The following TMEM169 variants were observed in gnomAD, a reference collection of about 807,000 sequenced individuals.
TMEM169 encodes transmembrane protein 169.
TMEM169 carries 18 observed loss-of-function variants against 27.3 expected under a neutral mutation model. That is an observed-to-expected ratio of 0.66 (90% CI 0.46 to 0.98). The LOEUF is 0.98. TMEM169 is among the 50% of genes least tolerant of loss of function. The pLI is 0.00. For synonymous variants in TMEM169, 136 were observed against 142.1 expected, an observed-to-expected ratio of 0.96 and a Z score of 0.30; for missense variants, 320 against 368.6, an observed-to-expected ratio of 0.87 and a Z score of 1.08.
At chr2:216,084,972 G>C (rs1054452073) in intron 1 of TMEM169, among the ~76,000 whole-genome samples, 2 of 152,138 alleles carry the variant, frequency 1.3e-5, no homozygotes, top group African/African-American at 4.8e-5. Flanking sequence ...GCAGAAAACA[G>C]CCTGATTTTC....
Position 216,100,128 on chromosome 2 carries a change from G to A in TMEM169, c.480G>A (p.Val160=). ...TGGGAGCTGACCGTGGGCCCCATGTGGTCCTCTGGACGCTGATCTGCCTGC... is the reference window on the plus strand; with the variant it reads ...TGGGAGCTGACCGTGGGCCCCATGTAGTCCTCTGGACGCTGATCTGCCTGC... ...CQMGADRGPH[V]VLWTLICLPV... is the part of the protein sequence containing the mutation. Residue 160 remains valine (V), a synonymous_variant, in exon 3 of 3, where the codon GTG becomes GTA. Transcript: ENST00000437356. 6.2e-7 allele frequency: 1 copy of A among 1,614,110 alleles called. No individual in the cohort carries two copies. Among genetic ancestry groups the A allele is most frequent in the South Asian group, 1.1e-5 (1 of 91,076 alleles).
chr2:216,090,363 G>T (rs1026238546), intron 1 of TMEM169, among the ~76,000 whole-genome samples: 3 of 152,178 alleles, frequency 2.0e-5, no homozygotes, highest in African/African-American at 7.2e-5. Flanking sequence ...GCTGGGGAAG[G>T]CCAGCCACTG....
At chr2:216,090,742 T>C (rs1696102935) in intron 1 of TMEM169, among the ~76,000 whole-genome samples, 1 of 152,188 alleles carries the variant, frequency 6.6e-6, no homozygotes, top group African/African-American at 2.4e-5. Flanking sequence ...CGCACATAAT[T>C]GTGTGAGATA....
In TMEM169 at chr2:216,089,344, A is replaced by G. The variant is rs2105981170; in HGVS notation, c.-126-6494A>G. On this transcript the variant is annotated intron_variant, in intron 1 of 2. Coordinates refer to ENST00000437356, the MANE Select transcript of TMEM169 (RefSeq NM_001142311.2). ...GAGTGGATCTGTCATCAAATGAAGG[A>G]GAAATAGGGTTTTGGACAGCAAACA... Among the ~76,000 whole-genome samples, 2 of 152,312 alleles carry G rather than the reference A, an allele frequency of 1.3e-5. 1 individual carries two copies. Among genetic ancestry groups the G allele is most frequent in the Middle Eastern group, 6.8e-3 (2 of 294 alleles).
chr2:216,084,671 G>C (rs981294089), intron 1 of TMEM169, among the ~76,000 whole-genome samples: 95 of 152,136 alleles, frequency 6.2e-4, no homozygotes, highest in Non-Finnish European at 1.3e-4. Context: ...TTTTTAGTTC[G>C]GGTGTCAAGA....
chr2:216,093,510 A>G (rs148246054), intron 1 of TMEM169, among the ~76,000 whole-genome samples: 81 of 152,306 alleles, frequency 5.3e-4, no homozygotes, highest in Non-Finnish European at 9.7e-4. Flanking sequence ...AAAGTCAGGC[A>G]GTGAGGACGT....
intron 1 of TMEM169, among the ~76,000 whole-genome samples, chr2:216,083,462 C>A (rs1487539991): frequency 2.0e-5 from 3 of 152,076 alleles, no homozygotes; most frequent in Admixed American, 6.6e-5. Flanking sequence ...ACTTTAAATT[C>A]TTTTAAATGA....
chr2:216,096,064 A>T lies in TMEM169; in HGVS notation c.101A>T (p.Glu34Val), dbSNP rs908220828. 1.2e-6 allele frequency: 2 copies of T among 1,614,212 alleles called. No homozygotes were observed. The highest frequency in any genetic ancestry group is 1.3e-5 in the African/African-American group (1 of 75,058). The change falls in exon 2 of 3, where the codon GAA becomes GTA. Residue 34 changes from glutamate (E) to valine (V), a missense_variant. Transcript: ENST00000437356. ...AVAAALALDG[E>V]STMGHRKKKR... Reference sequence around the variant, plus strand: ...GCTGCTGCCCTGGCGCTGGATGGGGAATCCACAATGGGGCACAGGAAAAAG... The same window carrying T: ...GCTGCTGCCCTGGCGCTGGATGGGGTATCCACAATGGGGCACAGGAAAAAG...
chr2:216,093,447 A>G (rs1445114821), intron 1 of TMEM169, among the ~76,000 whole-genome samples: 2 of 152,112 alleles, frequency 1.3e-5, no homozygotes, highest in Non-Finnish European at 2.9e-5. Context: ...AGCTCCATGG[A>G]TAAGAATTTA....
In TMEM169 at chr2:216,100,761, A is replaced by G; in HGVS notation, c.*219A>G. The G allele has an allele frequency of 3.3e-6, 2 of 611,646 alleles. No individual in the cohort carries two copies. Among genetic ancestry groups the G allele is most frequent in the Non-Finnish European group, 5.7e-6 (2 of 353,078 alleles). 37.9% of individuals were successfully genotyped at this position (611,646 alleles called of 1,614,324 possible). A position where few individuals can be genotyped will look rare whatever the true frequency, so the allele number is the denominator to read the frequency against. ...TCACCCAATGGACAAACTCTTTTTGATTCCCTGCCCTAAAATCACCATTTA... is the reference window on the plus strand; with the variant it reads ...TCACCCAATGGACAAACTCTTTTTGGTTCCCTGCCCTAAAATCACCATTTA... On this transcript the variant is annotated 3_prime_UTR_variant, in exon 3 of 3. Coordinates refer to ENST00000437356, the MANE Select transcript of TMEM169 (RefSeq NM_001142311.2).
intron 1 of TMEM169, among the ~76,000 whole-genome samples, chr2:216,090,677 G>A (rs1008094532): frequency 1.3e-5 from 2 of 152,192 alleles, no homozygotes; most frequent in Non-Finnish European, 2.9e-5. Flanking sequence ...CTATAGGCAG[G>A]AAGCAGGTAG....
intron 1 of TMEM169, among the ~76,000 whole-genome samples, chr2:216,092,957 T>C (rs1408538576): frequency 6.6e-6 from 1 of 152,180 alleles, no homozygotes; most frequent in African/African-American, 2.4e-5. Flanking sequence ...AGTGTCAGTG[T>C]ATAAGAGGAC....
In TMEM169 at chr2:216,100,420, A is replaced by C; in HGVS notation, c.772A>C (p.Ser258Arg). The C allele has an allele frequency of 6.2e-7, 1 of 1,614,040 alleles. No homozygotes were observed. Among genetic ancestry groups the C allele is most frequent in the Non-Finnish European group, 8.5e-7 (1 of 1,180,002 alleles). Residue 258 changes from serine (S) to arginine (R), a missense_variant, in exon 3 of 3, where the codon AGC (serine) becomes CGC (arginine). Physicochemically the swap from Ser to Arg is moderately radical, Grantham distance 110. Transcript: ENST00000437356. ...GAAAGGCTTCTGTGGCTGGCTCTGC[A>C]GCAAGCTGGGTCTGGAGGACTGTTC... ...MEKGFCGWLCSKLGLEDCSPY... is the reference protein window; with the variant it reads ...MEKGFCGWLCRKLGLEDCSPY...
intron 1 of TMEM169, among the ~76,000 whole-genome samples, chr2:216,090,716 A>C (rs1272562723): frequency 1.3e-5 from 2 of 152,154 alleles, no homozygotes; most frequent in African/African-American, 4.8e-5. Flanking sequence ...CAGCTAAGGC[A>C]CTCCCAGTTT....
Position 216,099,977 on chromosome 2 carries a change from G to A in TMEM169, c.329G>A (p.Arg110Gln), listed in dbSNP as rs143173919. Residue 110 changes from arginine to glutamine, a missense_variant, in exon 3 of 3, where the codon CGA becomes CAA. By Grantham distance (43) the Arg-to-Gln change is conservative. Transcript: ENST00000437356. This position sits in a 1 kb window ranked among gnomAD's most constrained non-coding sequence, Gnocchi z 5.0. The part of the protein sequence containing the change: ...RYVTLTGTIT[R>Q]GKKKGQMVDI... ...GTCACCTTAACTGGGACCATCACAC[G>A]AGGGAAGAAAAAGGGTCAGATGGTG... 67 of 1,613,964 alleles carry A rather than the reference G, an allele frequency of 4.2e-5. No individual in the cohort carries two copies. Among genetic ancestry groups the A allele is most frequent in the African/African-American group, 4.0e-4 (30 of 74,884 alleles).
Position 216,100,809 on chromosome 2 carries a change from G to C in TMEM169, c.*267G>C, listed in dbSNP as rs1696379702. The C allele has an allele frequency of 8.3e-6, 4 of 482,464 alleles. No homozygotes were observed. The highest frequency in any genetic ancestry group is 2.1e-5 in the South Asian group (1 of 47,212). 29.9% of individuals were successfully genotyped at this position (482,464 alleles called of 1,614,324 possible). A position where few individuals can be genotyped will look rare whatever the true frequency, so the allele number is the denominator to read the frequency against. ...TTATTTAGGACAATGGAACTCTGCT[G>C]TGTGTCGTTTTGGGAGCCTGGAAGT... On this transcript the variant is annotated 3_prime_UTR_variant, in exon 3 of 3. Transcript: ENST00000437356.
chr2:216,084,866 A>T (rs1695960293), intron 1 of TMEM169, among the ~76,000 whole-genome samples: 1 of 152,324 alleles, frequency 6.6e-6, no homozygotes, highest in East Asian at 1.9e-4. Flanking sequence ...TAGTACCCCT[A>T]CTATGGTGGT....
chr2:216,098,244 T>C (rs2105988208), intron 2 of TMEM169, among the ~76,000 whole-genome samples: 1 of 152,268 alleles, frequency 6.6e-6, no homozygotes, highest in African/African-American at 2.4e-5. Context: ...ATTATAAGGG[T>C]TAAGACTGGA....
chr2:216,090,368 C>T (rs984815033), intron 1 of TMEM169, among the ~76,000 whole-genome samples: 14 of 152,292 alleles, frequency 9.2e-5, no homozygotes, highest in African/African-American at 3.4e-4. Context: ...GGAAGGCCAG[C>T]CACTGTTGTA....
Sources: gnomAD v4.1 joint callset for allele counts (sites outside exome capture counted in the v4.1 genomes callset) on GRCh38, gnomAD v4.1.1 for gene constraint, Gnocchi (gnomAD v3.1) non-coding constraint, MANE v1.5 for transcripts, NCBI Gene and HGNC (gene_info 2026-07-23, HGNC 2026-07-21) for gene names.